The following CSMD1 variants were observed in gnomAD, a reference collection of about 807,000 sequenced individuals.
The protein encoded by CSMD1 is CUB and Sushi multiple domains 1.
CSMD1 carries 213 observed loss-of-function variants against 417.5 expected under a neutral mutation model. The ratio of observed to expected loss-of-function variants is 0.51; its 90% CI spans 0.46 to 0.57. The LOEUF is 0.57. Among genes scored for constraint, CSMD1 ranks in the 20% least tolerant of loss-of-function variants. The probability of loss-of-function intolerance (pLI) is 0.00; values close to 1 mark genes in which losing one functional copy is unlikely to be tolerated. For missense variants in CSMD1, 6,923 were observed against 4,529.7 expected (o/e 1.53, Z -15.17); for synonymous variants, 2,862 against 1,736.8 (o/e 1.65, Z -16.11).
chr8:4,054,530 A>G (rs17068805), intron 3 of CSMD1, among the ~76,000 whole-genome samples: 17,963 of 151,928 alleles, frequency 0.12, 1,594 homozygotes, highest in East Asian at 0.36. Flanking sequence ...TCATCCAATT[A>G]TCAAACATGC....
chr8:4,929,676 A>C (rs1275215297), intron 1 of CSMD1, among the ~76,000 whole-genome samples: 1 of 152,182 alleles, frequency 6.6e-6, no homozygotes, highest in East Asian at 1.9e-4. Flanking sequence ...ATCTCCCAGA[A>C]AACTTCAGCT....
chr8:4,229,548 C>G (rs1435201702), intron 3 of CSMD1, among the ~76,000 whole-genome samples: 3 of 152,106 alleles, frequency 2.0e-5, no homozygotes, highest in African/African-American at 7.2e-5. Context: ...TCACACTTAC[C>G]CAGCATTCCC....
chr8:4,313,677 C>T (rs905909700), intron 3 of CSMD1, among the ~76,000 whole-genome samples: 1 of 151,956 alleles, frequency 6.6e-6, no homozygotes, highest in Non-Finnish European at 1.5e-5. Context: ...AAACCAGGAG[C>T]TCTGAAAGTT....
At chr8:4,166,559 G>C (rs1197833492) in intron 3 of CSMD1, among the ~76,000 whole-genome samples, 1 of 152,150 alleles carries the variant, frequency 6.6e-6, no homozygotes, top group East Asian at 1.9e-4. Context: ...AAGCAATGAG[G>C]ATACAAAGGC....
At chr8:4,512,642 G>A (rs963559701) in intron 2 of CSMD1, among the ~76,000 whole-genome samples, 7 of 151,614 alleles carry the variant, frequency 4.6e-5, no homozygotes, top group Non-Finnish European at 5.9e-5. Flanking sequence ...TTTATATACC[G>A]GCAATGAAAT....
intron 41 of CSMD1, among the ~76,000 whole-genome samples, chr8:3,133,427 G>A (rs990316327): frequency 2.6e-5 from 4 of 152,192 alleles, no homozygotes; most frequent in African/African-American, 9.6e-5. Context: ...TGTGTTGGAT[G>A]CCACTTATAG....
intron 2 of CSMD1, among the ~76,000 whole-genome samples, chr8:4,608,774 G>A (rs1184787108): frequency 6.6e-6 from 1 of 152,148 alleles, no homozygotes; most frequent in Non-Finnish European, 1.5e-5. Context: ...CAGGAGGCTG[G>A]AAAATACCTA....
intron 19 of CSMD1, among the ~76,000 whole-genome samples, chr8:3,367,754 G>A (rs1370593024): frequency 6.6e-6 from 1 of 152,156 alleles, no homozygotes; most frequent in African/African-American, 2.4e-5. Context: ...GATTATAGAT[G>A]TAGTTATATA....
chr8:2,960,939 GATATATATATAT>G (rs3076013), intron 62 of CSMD1, among the ~76,000 whole-genome samples, 190 bp downstream of exon 62: 22,798 of 122,040 alleles, frequency 0.19, 2,649 homozygotes, highest in African/African-American at 0.34. Context: ...TAGTAAGCAA[GATATATATATAT>G]ATATATATAT....
chr8:3,501,838 G>T (rs574478453), intron 10 of CSMD1, among the ~76,000 whole-genome samples: 1 of 152,278 alleles, frequency 6.6e-6, no homozygotes, highest in East Asian at 1.9e-4. Context: ...GAGGTTGTAA[G>T]GGCCAATCAT....
intron 2 of CSMD1, among the ~76,000 whole-genome samples, chr8:4,580,799 A>G (rs1331712328): frequency 1.3e-5 from 2 of 152,222 alleles, no homozygotes; most frequent in Non-Finnish European, 2.9e-5. Flanking sequence ...TGTTAATTAT[A>G]TCCTATCTTA....
intron 4 of CSMD1, among the ~76,000 whole-genome samples, chr8:3,999,491 C>A (rs567404038): frequency 6.6e-6 from 1 of 152,286 alleles, no homozygotes; most frequent in East Asian, 1.9e-4. Flanking sequence ...ACAAAAACGT[C>A]AAAATAGAAC....
intron 5 of CSMD1, among the ~76,000 whole-genome samples, chr8:3,979,558 G>T (rs1295627318): frequency 1.3e-5 from 2 of 152,146 alleles, no homozygotes; most frequent in Non-Finnish European, 2.9e-5. Flanking sequence ...CAGGCCTTTG[G>T]AAAACACCTA....
At chr8:4,294,833 T>G (rs1467020573) in intron 3 of CSMD1, among the ~76,000 whole-genome samples, 1 of 151,994 alleles carries the variant, frequency 6.6e-6, no homozygotes, top group African/African-American at 2.4e-5. Flanking sequence ...GTGTAATTAG[T>G]AACTTTCCTA....
intron 3 of CSMD1, among the ~76,000 whole-genome samples, chr8:4,310,323 G>A (rs1165735015): frequency 6.6e-6 from 1 of 152,132 alleles, no homozygotes; most frequent in African/African-American, 2.4e-5. Flanking sequence ...AAGGGAAAAG[G>A]CCTCCACACT....
intron 3 of CSMD1, among the ~76,000 whole-genome samples, chr8:4,259,291 T>A (rs1445022701): frequency 6.6e-6 from 1 of 152,122 alleles, no homozygotes; most frequent in East Asian, 1.9e-4. Flanking sequence ...GCATTTGAAA[T>A]GAACAGTGTC....
intron 1 of CSMD1, among the ~76,000 whole-genome samples, chr8:4,810,792 A>T (rs1798853709): frequency 1.3e-5 from 2 of 152,206 alleles, no homozygotes; most frequent in Admixed American, 1.3e-4. Flanking sequence ...GCATATCACC[A>T]ATATAATAAA....
chr8:4,796,580 G>C (rs779650800), intron 1 of CSMD1, among the ~76,000 whole-genome samples: 1 of 151,632 alleles, frequency 6.6e-6, no homozygotes, highest in African/African-American at 2.4e-5. Flanking sequence ...CTCACTGTGG[G>C]AGGCTGCAGA....
intron 3 of CSMD1, among the ~76,000 whole-genome samples, chr8:4,074,080 A>C (rs955112486): frequency 6.6e-6 from 1 of 152,092 alleles, no homozygotes; most frequent in Non-Finnish European, 1.5e-5. Flanking sequence ...GAATAGACAA[A>C]TTTTGTAATA....
Sources: gnomAD v4.1 joint callset for allele counts (sites outside exome capture counted in the v4.1 genomes callset) on GRCh38, gnomAD v4.1.1 for gene constraint, MANE v1.5 for transcripts, NCBI Gene and HGNC (gene_info 2026-07-23, HGNC 2026-07-21) for gene names.